Variants in FCGR3B observed in about 807,000 individuals in gnomAD.
FCGR3B encodes Fc gamma receptor IIIb, also known as low affinity immunoglobulin gamma Fc region receptor III-B.
Under a neutral mutation model 26.7 loss-of-function variants are expected in FCGR3B, and 20 were observed. The observed-to-expected ratio is 0.75, with a 90% confidence interval of 0.53 to 1.09. FCGR3B has a LOEUF of 1.09. FCGR3B is among the 50% of genes least tolerant of loss of function. The pLI is 0.00. For missense variants in FCGR3B, 191 were observed against 279.7 expected (o/e 0.68, Z 2.26); for synonymous variants, 79 against 107.0 (o/e 0.74, Z 1.62).
At chr1:161,629,089 G>A (rs1224351839) in intron 3 of FCGR3B, among the ~76,000 whole-genome samples, 2 of 110,964 alleles carry the variant, frequency 1.8e-5, no homozygotes, top group Admixed American at 2.1e-4. Flanking sequence ...GTCTGAGAGC[G>A]AGAAGGAGAT....
In FCGR3B at chr1:161,624,652, G is replaced by A. The variant is rs771618565; in HGVS notation, c.578-13C>T. 1.9e-6 allele frequency: 3 copies of A among 1,594,746 alleles called. No individual in the cohort carries two copies. Among genetic ancestry groups the A allele is most frequent in the Admixed American group, 3.5e-5 (2 of 57,870 alleles). On this transcript the variant is annotated splice_polypyrimidine_tract_variant and intron_variant, in intron 4 of 4. Transcript: ENST00000650385. ...GACACTGCCAAACCTATTAGGAGAAGTGGAGAGATGAAAAAAAATGACAGT... is the reference window on the plus strand; with the variant it reads ...GACACTGCCAAACCTATTAGGAGAAATGGAGAGATGAAAAAAAATGACAGT...
rs1679335456 is a variant in FCGR3B at position 161,624,079 on chromosome 1, T to G, written c.*436A>C. On this transcript the variant is annotated 3_prime_UTR_variant, in exon 5 of 5. Transcript: ENST00000650385. ...TTATCCATTTGTTTAGGAATAATTATTTTCTTTTTTTCCCTCTAAACTGGG... is the reference window on the plus strand; with the variant it reads ...TTATCCATTTGTTTAGGAATAATTAGTTTCTTTTTTTCCCTCTAAACTGGG... 2 of 98,942 alleles carry G rather than the reference T, an allele frequency of 2.0e-5. No individual in the cohort carries two copies. Among genetic ancestry groups the G allele is most frequent in the Admixed American group, 8.1e-5 (1 of 12,366 alleles). The allele number at this position is 98,942 out of a possible 1,614,324, so 6.1% of individuals were successfully genotyped here.
chr1:161,628,544 G>A (rs1370691393), intron 3 of FCGR3B, among the ~76,000 whole-genome samples: 2 of 148,850 alleles, frequency 1.3e-5, no homozygotes, highest in Non-Finnish European at 3.0e-5. Context: ...GGTTGTAGGT[G>A]GACATCTCTT....
Position 161,626,196 on chromosome 1 carries a change from C to G in FCGR3B, c.526G>C (p.Val176Leu), listed in dbSNP as rs200215055. 6.8e-6 allele frequency: 11 copies of G among 1,609,470 alleles called. 1 individual carries two copies. The highest frequency in any genetic ancestry group is 1.1e-5 in the South Asian group (1 of 90,614). The change falls in exon 4 of 5, where the codon GTT becomes CTT. Residue 176 changes from valine to leucine, a missense_variant. This residue lies in a region of FCGR3B where 103 missense variants were observed against 114.5 expected (regional missense o/e 0.90). Transcript: ENST00000650385. ...TCTGAAGACACATTTTTACTCCCAA[C>G]AAGCCCCCTGCAGAAGTAGGAGCCG... ...DSGSYFCRGL[V>L]GSKNVSSETV...
At chr1:161,631,586 G>A, upstream of FCGR3B, 1 of 352,372 alleles carries the variant, frequency 2.8e-6, no homozygotes, top group East Asian at 4.4e-5. Flanking sequence ...TCCAGCCGAG[G>A]CCCTGCCTGC....
chr1:161,630,422 A>T, intron 1 of FCGR3B, 34 bp from the exon 2 acceptor site: 2 of 1,597,018 alleles, frequency 1.3e-6, no homozygotes, highest in Non-Finnish European at 1.7e-6. Flanking sequence ...AATATTGAGT[A>T]GGGGCAGAGA....
chr1:161,630,898 C>A lies in FCGR3B; in HGVS notation c.40+157G>T, dbSNP rs1679714241. ...GAACCAGCATTCTCCTCATTTCTAG[C>A]CCCATCTTGGCTTGTCCTGGTAGCT... On this transcript the variant is annotated intron_variant, in intron 1 of 4. Transcript: ENST00000650385. 9 of 1,435,360 alleles carry A rather than the reference C, an allele frequency of 6.3e-6. No individual in the cohort carries two copies. The South Asian group carries it at 1.4e-4, about 22-fold the overall frequency. The allele number at this position is 1,435,360 out of a possible 1,614,324, so 88.9% of individuals were successfully genotyped here.
Position 161,626,062 on chromosome 1 carries a change from C to T in FCGR3B, c.577+83G>A, listed in dbSNP as rs1484341723. 20 of 1,505,526 alleles carry T rather than the reference C, an allele frequency of 1.3e-5. 1 individual carries two copies. The highest frequency in any genetic ancestry group is 9.0e-7 in the Non-Finnish European group (1 of 1,108,406). 93.3% of individuals were successfully genotyped at this position (1,505,526 alleles called of 1,614,324 possible). A position where few individuals can be genotyped will look rare whatever the true frequency, so the allele number is the denominator to read the frequency against. ...AGAAGTGCGTGTAAGAATCAGGAATCTCCTCCCAACTCAACTTCCCAGTGT... is the reference window on the plus strand; with the variant it reads ...AGAAGTGCGTGTAAGAATCAGGAATTTCCTCCCAACTCAACTTCCCAGTGT... On this transcript the variant is annotated intron_variant, in intron 4 of 4. Coordinates refer to ENST00000650385, the MANE Select transcript of FCGR3B (RefSeq NM_001244753.2).
chr1:161,624,699 C>T lies in FCGR3B; in HGVS notation c.578-60G>A, dbSNP rs1048949300. On this transcript the variant is annotated intron_variant, in intron 4 of 4. Coordinates refer to ENST00000650385, the MANE Select transcript of FCGR3B (RefSeq NM_001244753.2). The stretch of plus-strand genomic sequence containing the variant: ...CAGTCACTAAGGCAGATATTTGGAA[C>T]AAACAGTGAGGTCACCAGTAGAGAG... 50 of 1,501,320 alleles carry T rather than the reference C, an allele frequency of 3.3e-5. 3 individuals are homozygous for T. Among genetic ancestry groups the T allele is most frequent in the Non-Finnish European group, 4.4e-5 (48 of 1,097,642 alleles). The allele number at this position is 1,501,320 out of a possible 1,614,324, so 93.0% of individuals were successfully genotyped here.
At chr1:161,626,705 T>C (rs1679481290) in intron 3 of FCGR3B, among the ~76,000 whole-genome samples, 1 of 149,550 alleles carries the variant, frequency 6.7e-6, no homozygotes, top group Non-Finnish European at 1.5e-5. Context: ...GCAGGATCCT[T>C]AAGTGCTAGA....
Position 161,626,098 on chromosome 1 carries a change from T to C in FCGR3B, c.577+47A>G, listed in dbSNP as rs371730223. On this transcript the variant is annotated intron_variant, in intron 4 of 4. Transcript: ENST00000650385. ...TCAACTTCCCAGTGTGAGTGCAGGT[T>C]CCACACACAGGCGTCCCTGGGCATT... 1.1e-4 allele frequency: 168 copies of C among 1,591,204 alleles called. 3 individuals are homozygous for C. Among genetic ancestry groups the C allele is most frequent in the Non-Finnish European group, 1.3e-4 (151 of 1,167,582 alleles).
At position 161,630,925 on chromosome 1, in the gene FCGR3B, A is replaced by AATCCAC. The variant is rs1679716154; in HGVS notation, c.40+124_40+129dup. ...CCATCTTGGCTTGTCCTGGTAGCTCAATCCACAGCTATAGATGTGGTGAGG... is the reference window on the plus strand; with the variant it reads ...CCATCTTGGCTTGTCCTGGTAGCTCAATCCACATCCACAGCTATAGATGTGGTGAGG... On this transcript the variant is annotated intron_variant, in intron 1 of 4. Transcript: ENST00000650385. 32 of 1,458,034 alleles carry AATCCAC rather than the reference A, an allele frequency of 2.2e-5. 3 individuals carry two copies. The Middle Eastern group carries it at 7.7e-4, about 35-fold the overall frequency. The allele number at this position is 1,458,034 out of a possible 1,614,324, so 90.3% of individuals were successfully genotyped here. A position where few individuals can be genotyped will look rare whatever the true frequency, so the allele number is the denominator to read the frequency against.
At chr1:161,628,757 C>T (rs1304693713) in intron 3 of FCGR3B, among the ~76,000 whole-genome samples, 5 of 145,990 alleles carry the variant, frequency 3.4e-5, no homozygotes, top group African/African-American at 7.8e-5. Context: ...ATGGAACAGC[C>T]GTGGAAGTAG....
At chr1:161,630,074 G>A (rs1448621227) in intron 2 of FCGR3B, 39 bp from the exon 3 acceptor site, 1 of 1,428,140 alleles carries the variant, frequency 7.0e-7, no homozygotes, top group Non-Finnish European at 9.4e-7. Flanking sequence ...GACAGGGAGA[G>A]GAGCAGGCTC....
At chr1:161,631,270 G>T (rs377494897), upstream of FCGR3B, 1 of 1,458,028 alleles carries the variant, frequency 6.9e-7, no homozygotes, top group South Asian at 1.3e-5. Context: ...TCTCGCAATG[G>T]AGCCCCACCA....
At chr1:161,625,848 T>C (rs1167267406) in intron 4 of FCGR3B, among the ~76,000 whole-genome samples, 2 of 147,670 alleles carry the variant, frequency 1.4e-5, no homozygotes, top group Non-Finnish European at 3.0e-5. Context: ...TGGGTGTGAT[T>C]AGGGTAAGGA....
Position 161,629,113 on chromosome 1 carries a change from C to T in FCGR3B, c.319+665G>A, listed in dbSNP as rs1323294710. Among the ~76,000 whole-genome samples the T allele has an allele frequency of 5.6e-5, 6 of 106,756 alleles. 2 individuals carry two copies. The highest frequency in any genetic ancestry group is 3.8e-5 in the Non-Finnish European group (2 of 51,968). The allele number at this position is 106,756 out of a possible 152,430, so 70.0% of individuals were successfully genotyped here. A position where few individuals can be genotyped will look rare whatever the true frequency, so the allele number is the denominator to read the frequency against. ...CGAGAAGGAGATTGAGGTCCTAACA[C>T]CAAATTCATTAATTTATTCAATAAA... On this transcript the variant is annotated intron_variant, in intron 3 of 4. Transcript: ENST00000650385.
At chr1:161,631,215 C>A (rs181478764), upstream of FCGR3B, 10 of 1,584,452 alleles carry the variant, frequency 6.3e-6, no homozygotes, top group Admixed American at 1.8e-5. Flanking sequence ...CTGTCACCTG[C>A]CAGTTTCCTT....
intron 3 of FCGR3B, among the ~76,000 whole-genome samples, chr1:161,628,039 T>C (rs1426359404): frequency 3.3e-5 from 5 of 149,946 alleles, no homozygotes; most frequent in Non-Finnish European, 7.4e-5. Context: ...TTTGGGAGGC[T>C]GAAGTAGGCA....
Sources: allele counts gnomAD v4.1 joint callset (sites outside exome capture counted in the v4.1 genomes callset), GRCh38; gene constraint gnomAD v4.1.1; regional missense constraint gnomAD v4.1.1; transcripts MANE v1.5; gene names NCBI Gene and HGNC (gene_info 2026-07-23, HGNC 2026-07-21).